ATRIP: variants seen among roughly 807,000 people sequenced by gnomAD.
ATRIP encodes the protein ATR interacting protein, also known as ATR-interacting protein.
Under a neutral mutation model 78.1 loss-of-function variants are expected in ATRIP, and 44 were observed. The ratio of observed to expected loss-of-function variants is 0.56; its 90% CI spans 0.44 to 0.72. The LOEUF (loss-of-function observed/expected upper bound fraction) is 0.72, where lower values mean the gene tolerates loss of function less well. ATRIP is among the 30% of genes least tolerant of loss of function. ATRIP has a pLI of 0.00. For missense variants in ATRIP, 927 were observed against 980.2 expected (o/e 0.95, Z 0.72); for synonymous variants, 388 against 408.9 (o/e 0.95, Z 0.62).
chr3:48,459,488 G>A, intron 6 of ATRIP, 34 bp downstream of exon 6: 1 of 1,580,814 alleles, frequency 6.3e-7, no homozygotes, highest in South Asian at 1.1e-5. Context: ...GCAGGGGCCT[G>A]CATGGCTCTG....
At position 48,460,532 on chromosome 3, in the gene ATRIP, T is replaced by C. The variant is rs778139338; in HGVS notation, c.1478T>C (p.Val493Ala). 1.2e-6 allele frequency: 2 copies of C among 1,614,022 alleles called. No homozygotes were observed. The highest frequency in any genetic ancestry group is 2.2e-5 in the East Asian group (1 of 44,888). Residue 493 changes from valine (V) to alanine (A), a missense_variant, in exon 8 of 13, where the codon GTC becomes GCC. By Grantham distance (64) the Val-to-Ala change is moderately conservative (BLOSUM62 0). Coordinates refer to ENST00000320211, the MANE Select transcript of ATRIP (RefSeq NM_130384.3). ...QHLVCHSGAV[V>A]SLLLSGVGAD... ...CTGGTGTGCCACAGCGGAGCAGTCGTCTCCCTATTACTGTCAGGAGTGGGG... is the reference window on the plus strand; with the variant it reads ...CTGGTGTGCCACAGCGGAGCAGTCGCCTCCCTATTACTGTCAGGAGTGGGG...
rs2107255814 is a variant in ATRIP at position 48,466,780 on chromosome 3, G to A, written c.*1226G>A. 1 of 1,613,910 alleles carries A rather than the reference G, an allele frequency of 6.2e-7. No homozygotes were observed. The highest frequency in any genetic ancestry group is 8.5e-7 in the Non-Finnish European group (1 of 1,180,026). ...CTGTGCCTGCTGGCTGTCCACAGATGTGCCCTGGAGAGCCCCCCCACCTCT... is the reference window on the plus strand; with the variant it reads ...CTGTGCCTGCTGGCTGTCCACAGATATGCCCTGGAGAGCCCCCCCACCTCT... On this transcript the variant is annotated 3_prime_UTR_variant, in exon 13 of 13. Transcript: ENST00000320211.
chr3:48,447,536 TA>T, intron 1 of ATRIP: 1 of 987,190 alleles, frequency 1.0e-6, no homozygotes, highest in Non-Finnish European at 1.2e-6. Flanking sequence ...AGAGATGAAA[TA>T]AATTTATTCT....
chr3:48,463,585 A>C (rs959664617), intron 8 of ATRIP, among the ~76,000 whole-genome samples, 160 bp from the exon 9 acceptor site: 1 of 152,130 alleles, frequency 6.6e-6, no homozygotes, highest in African/African-American at 2.4e-5. Context: ...CATAGCAAGT[A>C]AGTAGGGGTC....
chr3:48,447,094 T>G lies in ATRIP; in HGVS notation c.247+2T>G. 6.6e-7 allele frequency: 1 copy of G among 1,525,780 alleles called. No individual in the cohort carries two copies. Among genetic ancestry groups the G allele is most frequent in the South Asian group, 1.2e-5 (1 of 82,456 alleles). The allele number at this position is 1,525,780 out of a possible 1,614,324, so 94.5% of individuals were successfully genotyped here. ...CGGCCGCGGCTCGGGACGTGTCCAGTGAGTGCTCCTCGCGGCCTTTTGCTC... is the reference window on the plus strand; with the variant it reads ...CGGCCGCGGCTCGGGACGTGTCCAGGGAGTGCTCCTCGCGGCCTTTTGCTC... On this transcript the variant is annotated splice_donor_variant, in intron 1 of 12. Coordinates refer to ENST00000320211, the MANE Select transcript of ATRIP (RefSeq NM_130384.3). LOFTEE classifies it high-confidence loss of function.
In ATRIP at chr3:48,459,816, C is replaced by T. The variant is rs368144975; in HGVS notation, c.955C>T (p.Gln319Ter). The change falls in exon 7 of 13, where the codon CAG becomes TAG. Residue 319 changes from glutamine (Q) to a stop codon, truncating the protein, a stop_gained. Coordinates refer to ENST00000320211, the MANE Select transcript of ATRIP (RefSeq NM_130384.3). LOFTEE classifies it high-confidence loss of function. The stretch of plus-strand genomic sequence containing the variant: ...CATTTTGATAAACCTGCTCCTGAAG[C>T]AGCCTTTGATCCCAGGGTCATCCCT... The part of the protein sequence containing the change: ...GSILINLLLK[Q>*]PLIPGSSLSL... The T allele has an allele frequency of 1.9e-6, 3 of 1,612,932 alleles. No individual in the cohort carries two copies. The highest frequency in any genetic ancestry group is 2.7e-5 in the African/African-American group (2 of 74,834).
intron 1 of ATRIP, 84 bp downstream of exon 1, chr3:48,447,176 C>T: frequency 1.5e-6 from 2 of 1,347,640 alleles, no homozygotes; most frequent in Non-Finnish European, 9.5e-7. Flanking sequence ...CGGAACCTCG[C>T]GGCCAGCACT....
chr3:48,463,916 C>T (rs368988892), intron 9 of ATRIP, 35 bp downstream of exon 9: 2 of 1,612,612 alleles, frequency 1.2e-6, no homozygotes, highest in Non-Finnish European at 1.7e-6. Context: ...TAGACTGCTC[C>T]TGCAGATCAA....
intron 3 of ATRIP, among the ~76,000 whole-genome samples, chr3:48,453,786 A>G (rs1332487204): frequency 6.6e-6 from 1 of 152,236 alleles, no homozygotes; most frequent in African/African-American, 2.4e-5. Context: ...CACCTTACCA[A>G]GCTCTATGCT....
intron 8 of ATRIP, among the ~76,000 whole-genome samples, chr3:48,463,536 T>TG (rs2040176407): frequency 6.6e-6 from 1 of 151,900 alleles, no homozygotes; most frequent in African/African-American, 2.4e-5. Flanking sequence ...GCAGCAGTCT[T>TG]GCAGTGGAAG....
At chr3:48,456,439 AT>A (rs59752619) in intron 4 of ATRIP, among the ~76,000 whole-genome samples, 74,636 of 151,648 alleles carry the variant, frequency 0.49, 19,623 homozygotes, top group East Asian at 0.7. Flanking sequence ...TCTAGAAAGA[AT>A]AAAAAGTTAG....
In ATRIP at chr3:48,452,997, A is replaced by C. The variant is rs1035606038; in HGVS notation, c.552+1098A>C. 2.0e-5 allele frequency among the ~76,000 whole-genome samples: 3 copies of C among 149,132 alleles called. No homozygotes were observed. The Admixed American group carries it at 2.0e-4, about 10-fold the overall frequency. Reference sequence around the variant, plus strand: ...CCTCCCAGGCTCAAGCAATCCTCCCATCTCAGCCTCCCAGGTAGCTGGAAC... The same window carrying C: ...CCTCCCAGGCTCAAGCAATCCTCCCCTCTCAGCCTCCCAGGTAGCTGGAAC... On this transcript the variant is annotated intron_variant, in intron 3 of 12. Coordinates refer to ENST00000320211, the MANE Select transcript of ATRIP (RefSeq NM_130384.3).
rs531702332 is a variant in ATRIP, at chr3:48,467,236, C to T, written c.*1682C>T. Reference sequence around the variant, plus strand: ...CTGTATGGGCAGTCCCCTCCAGACTCGCACACGGCTGAGGGTGATGTCCTG... The same window carrying T: ...CTGTATGGGCAGTCCCCTCCAGACTTGCACACGGCTGAGGGTGATGTCCTG... On this transcript the variant is annotated 3_prime_UTR_variant, in exon 13 of 13. Transcript: ENST00000320211. 1.1e-5 allele frequency: 17 copies of T among 1,614,120 alleles called. No homozygotes were observed. Among genetic ancestry groups the T allele is most frequent in the African/African-American group, 4.0e-5 (3 of 75,060 alleles).
chr3:48,450,589 ATT>A (rs756559976), intron 2 of ATRIP: 42,712 of 942,616 alleles, frequency 0.045, no homozygotes, highest in South Asian at 0.057. Context: ...TGTGACCCAG[ATT>A]TTTTTTTTTT....
In ATRIP at chr3:48,447,025, G is replaced by GC; in HGVS notation, c.180_181insC (p.Glu61ArgfsTer4). Reference sequence around the variant, plus strand: ...ATGGGGACTTCACTGCCGACGACCTGGAGGAGCTTGACACCCTCGCGTCAC... The same window carrying GC: ...ATGGGGACTTCACTGCCGACGACCTGCGAGGAGCTTGACACCCTCGCGTCAC... On this transcript the variant is annotated frameshift_variant, in exon 1 of 13. Transcript: ENST00000320211. LOFTEE classifies it high-confidence loss of function. 6.4e-7 allele frequency: 1 copy of GC among 1,574,288 alleles called. No individual in the cohort carries two copies. The highest frequency in any genetic ancestry group is 8.6e-7 in the Non-Finnish European group (1 of 1,162,908).
rs201740870 is a variant in ATRIP, at chr3:48,464,623, G to T, written c.2016G>T (p.Leu672Phe). The change falls in exon 11 of 13, where the codon TTG becomes TTT. Residue 672 changes from leucine (L) to phenylalanine (F), a missense_variant. Transcript: ENST00000320211. ...CTAAGCTTGGTGTGCAGAGCCCCTT[G>T]CCCCCAGTCACTGGCTCCAACTGCC... ...LLAKLGVQSP[L>F]PPVTGSNCQC... 3.1e-6 allele frequency: 5 copies of T among 1,614,072 alleles called. No homozygotes were observed. The highest frequency in any genetic ancestry group is 3.3e-5 in the Admixed American group (2 of 60,002).
At chr3:48,448,334 C>T (rs2039740073) in intron 1 of ATRIP, among the ~76,000 whole-genome samples, 1 of 152,092 alleles carries the variant, frequency 6.6e-6, no homozygotes, top group Non-Finnish European at 1.5e-5. Context: ...TGCCCGCCAC[C>T]ATGCCTGGCT....
chr3:48,464,746 T>G, intron 11 of ATRIP, 84 bp downstream of exon 11: 1 of 1,606,968 alleles, frequency 6.2e-7, no homozygotes, highest in Non-Finnish European at 8.5e-7. Context: ...GCAAACCCCC[T>G]CACGTGAGGT....
chr3:48,450,156 G>C lies in ATRIP; in HGVS notation c.367G>C (p.Glu123Gln). Residue 123 changes from glutamate to glutamine, a missense_variant, in exon 2 of 13, where the codon GAA (glutamate) becomes CAA (glutamine). Glu to Gln is a conservative substitution (Grantham distance 29). Coordinates refer to ENST00000320211, the MANE Select transcript of ATRIP (RefSeq NM_130384.3). The part of the protein sequence containing the change: ...ELEVLQAQYK[E>Q]LKEKMKVMEE... Reference sequence around the variant, plus strand: ...AGAGGTACTTCAGGCACAATACAAAGAACTTAAAGAAAAGGTAAGTGACTT... The same window carrying C: ...AGAGGTACTTCAGGCACAATACAAACAACTTAAAGAAAAGGTAAGTGACTT... The C allele has an allele frequency of 6.2e-7, 1 of 1,607,498 alleles. No individual in the cohort carries two copies. The highest frequency in any genetic ancestry group is 8.5e-7 in the Non-Finnish European group (1 of 1,178,128).
Sources: allele counts gnomAD v4.1 joint callset (sites outside exome capture counted in the v4.1 genomes callset), GRCh38; gene constraint gnomAD v4.1.1; transcripts MANE v1.5; gene names NCBI Gene and HGNC (gene_info 2026-07-23, HGNC 2026-07-21).